The following MEFV variants were observed in gnomAD, a reference collection of about 807,000 sequenced individuals.
MEFV encodes the protein MEFV innate immunity regulator, pyrin.
MEFV carries 60 observed loss-of-function variants against 62.5 expected under a neutral mutation model. The ratio of observed to expected loss-of-function variants is 0.96; its 90% CI spans 0.78 to 1.19. MEFV has a LOEUF of 1.19. Among genes scored for constraint, MEFV ranks in the 50% most tolerant of loss-of-function variants. The probability of loss-of-function intolerance (pLI) is 0.00; values close to 1 mark genes in which losing one functional copy is unlikely to be tolerated. For missense variants in MEFV, 1,169 were observed against 1,004.5 expected, an observed-to-expected ratio of 1.16 and a Z score of -2.21; for synonymous variants, 500 against 415.2, an observed-to-expected ratio of 1.20 and a Z score of -2.48.
chr16:3,243,422 A>T lies in MEFV; in HGVS notation c.2065T>A (p.Trp689Arg). The stretch of plus-strand genomic sequence containing the variant: ...TTTTCCTTCATCATTATCACCACCC[A>T]GTAGCCATTCTCTGGCGACAGAGTC... Reference protein sequence around the residue: ...NMTLSPENGYWVVIMMKENEY... With the variant: ...NMTLSPENGYRVVIMMKENEY... Residue 689 changes from tryptophan to arginine, a missense_variant, in exon 10 of 10, where the codon TGG becomes AGG. Physicochemically the swap from Trp to Arg is moderately radical, Grantham distance 101. Coordinates refer to ENST00000219596, the MANE Select transcript of MEFV (RefSeq NM_000243.3). 2 of 1,614,132 alleles carry T rather than the reference A, an allele frequency of 1.2e-6. No homozygotes were observed. Among genetic ancestry groups the T allele is most frequent in the Non-Finnish European group, 1.7e-6 (2 of 1,180,022 alleles).
chr16:3,247,183 C>T lies in MEFV; in HGVS notation c.1420G>A (p.Glu474Lys), dbSNP rs104895104. ...RKLEQVYYFL[E>K]QQEHFFVASL... Reference sequence around the variant, plus strand: ...GCCACAAAGAAATGCTCTTGCTGCTCCAGGAAGTAGTACACCTGCTCCAGC... The same window carrying T: ...GCCACAAAGAAATGCTCTTGCTGCTTCAGGAAGTAGTACACCTGCTCCAGC... The change falls in exon 5 of 10, where the codon GAG becomes AAG. Residue 474 changes from glutamate (E) to lysine (K), a missense_variant. Glu to Lys is a moderately conservative substitution (Grantham distance 56, BLOSUM62 1). Coordinates refer to ENST00000219596, the MANE Select transcript of MEFV (RefSeq NM_000243.3). The T allele has an allele frequency of 1.3e-5, 21 of 1,614,164 alleles. No individual in the cohort carries two copies. The highest frequency in any genetic ancestry group is 8.8e-5 in the South Asian group (8 of 91,088).
chr16:3,247,128 C>A lies in MEFV; in HGVS notation c.1475G>T (p.Gly492Val), dbSNP rs1385835956. 2 of 1,614,206 alleles carry A rather than the reference C, an allele frequency of 1.2e-6. No homozygotes were observed. The highest frequency in any genetic ancestry group is 3.3e-5 in the Admixed American group (2 of 59,990). The stretch of plus-strand genomic sequence containing the variant: ...GGTGTCATATGCCTTCCTGATCTGC[C>A]CAACCATCTGGCCCACGTCCTCCAG... ...ASLEDVGQMV[G>V]QIRKAYDTRV... Residue 492 changes from glycine to valine, a missense_variant, in exon 5 of 10, where the codon GGG becomes GTG. Coordinates refer to ENST00000219596, the MANE Select transcript of MEFV (RefSeq NM_000243.3).
chr16:3,243,811 C>A (rs1483491515), intron 9 of MEFV, 49 bp downstream of exon 9: 16 of 1,609,560 alleles, frequency 9.9e-6, no homozygotes, highest in Non-Finnish European at 1.4e-5. Flanking sequence ...TAGGGGAGAG[C>A]ACAGGGATCC....
Position 3,256,444 on chromosome 16 carries a change from G to T in MEFV, c.144C>A (p.Ala48=), listed in dbSNP as rs1446491538. The T allele has an allele frequency of 6.2e-7, 1 of 1,614,228 alleles. No homozygotes were observed. The highest frequency in any genetic ancestry group is 8.5e-7 in the Non-Finnish European group (1 of 1,180,044). The change falls in exon 1 of 10, where the codon GCC becomes GCA. Residue 48 remains alanine, a synonymous_variant. Transcript: ENST00000219596. ...GCAGAGTGGCCATCTTCACCGGCCT[G>T]GCTCTCTGGATCTGGCTCCGGGGGA... ...SRIPRSQIQR[A]RPVKMATLLV...
intron 8 of MEFV, 152 bp from the exon 9 acceptor site, chr16:3,244,044 C>T (rs2141665794): frequency 6.4e-7 from 1 of 1,552,294 alleles, no homozygotes; most frequent in Non-Finnish European, 8.7e-7. Flanking sequence ...TCCCAGGAAC[C>T]CAGGCCATGT....
At chr16:3,253,317 G>A (rs1192995772) in intron 2 of MEFV, among the ~76,000 whole-genome samples, 1 of 152,080 alleles carries the variant, frequency 6.6e-6, no homozygotes, top group African/African-American at 2.4e-5. Flanking sequence ...GCATGCTGGG[G>A]ACAGCGCCTG....
In MEFV at chr16:3,256,293, A is replaced by C. The variant is rs574262700; in HGVS notation, c.277+18T>G. 3.7e-6 allele frequency: 6 copies of C among 1,612,382 alleles called. No homozygotes were observed. The highest frequency in any genetic ancestry group is 2.2e-5 in the South Asian group (2 of 90,910). ...CAGCACTCAGCACTGGATGAGGAGG[A>C]GGCCTGGGCCCGCTTACCCTGAATG... is the stretch of plus-strand genomic sequence containing the variant. On this transcript the variant is annotated intron_variant, in intron 1 of 9. Coordinates refer to ENST00000219596, the MANE Select transcript of MEFV (RefSeq NM_000243.3).
chr16:3,254,579 C>A lies in MEFV; in HGVS notation c.489G>T (p.Glu163Asp), dbSNP rs759997694. The A allele has an allele frequency of 1.1e-5, 17 of 1,586,530 alleles. No homozygotes were observed. The South Asian group carries it at 1.3e-4, about 13-fold the overall frequency. Reference sequence around the variant, plus strand: ...GCGCGTCCAGGCCCTCCGAGGCCTTCTCTCTGCGTTTGCTCAGGGGCTTCC... The same window carrying A: ...GCGCGTCCAGGCCCTCCGAGGCCTTATCTCTGCGTTTGCTCAGGGGCTTCC... ...LSRKPLSKRR[E>D]KASEGLDAQG... Residue 163 changes from glutamate to aspartate, a missense_variant, in exon 2 of 10, where the codon GAG becomes GAT. Glu to Asp is a conservative substitution (Grantham distance 45). Coordinates refer to ENST00000219596, the MANE Select transcript of MEFV (RefSeq NM_000243.3).
chr16:3,244,278 G>T lies in MEFV; in HGVS notation c.1735C>A (p.Arg579Ser). The T allele has an allele frequency of 6.2e-7, 1 of 1,614,052 alleles. No individual in the cohort carries two copies. Among genetic ancestry groups the T allele is most frequent in the Non-Finnish European group, 8.5e-7 (1 of 1,180,012 alleles). Residue 579 changes from arginine to serine, a missense_variant, in exon 8 of 10, where the codon CGT becomes AGT. Arg to Ser is a moderately radical substitution (Grantham distance 110). Coordinates refer to ENST00000219596, the MANE Select transcript of MEFV (RefSeq NM_000243.3). ...KSTKYFSETL[R>S]SEMEMFNVPE... is the part of the protein sequence containing the mutation. ...CCATTGAACATTTCCATTTCTGAACGCAGGGTTTCTAAAATGTGGGAAAGG... is the reference window on the plus strand; with the variant it reads ...CCATTGAACATTTCCATTTCTGAACTCAGGGTTTCTAAAATGTGGGAAAGG...
chr16:3,252,662 G>C (rs1463313031), intron 2 of MEFV, among the ~76,000 whole-genome samples: 2 of 151,758 alleles, frequency 1.3e-5, no homozygotes, highest in African/African-American at 2.4e-5. Context: ...CCATAGGCTG[G>C]GTGTAGTGAC....
intron 3 of MEFV, 76 bp from the exon 4 acceptor site, chr16:3,249,080 A>G (rs1958990508): frequency 2.1e-6 from 3 of 1,412,024 alleles, no homozygotes; most frequent in Non-Finnish European, 2.0e-6. Flanking sequence ...CTGGAGGGGA[A>G]CATCTCCTTC....
Position 3,243,931 on chromosome 16 carries a change from A to G in MEFV, c.1760-39T>C, listed in dbSNP as rs1380075115. 4 of 1,612,436 alleles carry G rather than the reference A, an allele frequency of 2.5e-6. No individual in the cohort carries two copies. The highest frequency in any genetic ancestry group is 1.7e-5 in the Admixed American group (1 of 59,696). On this transcript the variant is annotated intron_variant, in intron 8 of 9. Transcript: ENST00000219596. ...TCAGATAGGGAAAAAAATCCTGAGC[A>G]TTAGCATTAAGAGGGGCTAAATTAC...
At chr16:3,250,897 A>G (rs571692906) in intron 2 of MEFV, among the ~76,000 whole-genome samples, 32 of 151,302 alleles carry the variant, frequency 2.1e-4, no homozygotes, top group African/African-American at 4.6e-4. Flanking sequence ...GGTGGTGGGC[A>G]CCTGTAATCC....
intron 2 of MEFV, among the ~76,000 whole-genome samples, chr16:3,252,699 G>C (rs1959054663): frequency 6.6e-6 from 1 of 151,350 alleles, no homozygotes; most frequent in Non-Finnish European, 1.5e-5. Context: ...AGCACTTTTA[G>C]AGGCTAAGGC....
intron 2 of MEFV, among the ~76,000 whole-genome samples, chr16:3,250,985 C>A (rs898522052): frequency 1.4e-5 from 2 of 141,122 alleles, no homozygotes; most frequent in African/African-American, 5.4e-5. Flanking sequence ...AGTTGCGCCA[C>A]TGCACTCCAG....
At chr16:3,255,677 G>T (rs1315494642) in intron 1 of MEFV, among the ~76,000 whole-genome samples, 2 of 152,018 alleles carry the variant, frequency 1.3e-5, no homozygotes, top group Non-Finnish European at 2.9e-5. Context: ...AAAGTGCTGA[G>T]ATTATTTATA....
chr16:3,249,730 C>T lies in MEFV; in HGVS notation c.961G>A (p.Asp321Asn). 1.9e-6 allele frequency: 3 copies of T among 1,614,078 alleles called. No homozygotes were observed. Among genetic ancestry groups the T allele is most frequent in the Non-Finnish European group, 2.5e-6 (3 of 1,179,950 alleles). Residue 321 changes from aspartate to asparagine, a missense_variant, in exon 3 of 10, where the codon GAC (aspartate) becomes AAC (asparagine). Coordinates refer to ENST00000219596, the MANE Select transcript of MEFV (RefSeq NM_000243.3). ...ASPRCHAQEG[D>N]PVDGTCVRDS... Reference sequence around the variant, plus strand: ...CGCACACAGGTACCGTCAACTGGGTCTCCTTCCTGGGCGTGGCAGCGGGGA... The same window carrying T: ...CGCACACAGGTACCGTCAACTGGGTTTCCTTCCTGGGCGTGGCAGCGGGGA...
chr16:3,247,408 C>A lies in MEFV; in HGVS notation c.1357-162G>T, dbSNP rs1958959124. ...AGCAGGAGGCGATATTGTCTGGAACCTTCCAGAAAAGACTGAGCATGGCTG... is the reference window on the plus strand; with the variant it reads ...AGCAGGAGGCGATATTGTCTGGAACATTCCAGAAAAGACTGAGCATGGCTG... On this transcript the variant is annotated intron_variant, in intron 4 of 9. Transcript: ENST00000219596. 13 of 625,886 alleles carry A rather than the reference C, an allele frequency of 2.1e-5. No individual in the cohort carries two copies. The South Asian group carries it at 2.5e-4, about 12-fold the overall frequency. The allele number at this position is 625,886 out of a possible 1,614,324, so 38.8% of individuals were successfully genotyped here.
rs1958878325 is a variant in MEFV at position 3,242,923 on chromosome 16, C to T, written c.*218G>A. 1.7e-6 allele frequency: 1 copy of T among 592,542 alleles called. No homozygotes were observed. The highest frequency in any genetic ancestry group is 3.0e-6 in the Non-Finnish European group (1 of 331,480). The allele number at this position is 592,542 out of a possible 1,614,324, so 36.7% of individuals were successfully genotyped here. On this transcript the variant is annotated 3_prime_UTR_variant, in exon 10 of 10. Transcript: ENST00000219596. ...ACTCCGTACTTCCTCCTCTGAAATC[C>T]ATGGTGTGTCATCAGTACATGTCTT...
Sources: allele counts gnomAD v4.1 joint callset (sites outside exome capture counted in the v4.1 genomes callset), GRCh38; gene constraint gnomAD v4.1.1; transcripts MANE v1.5; gene names NCBI Gene and HGNC (gene_info 2026-07-23, HGNC 2026-07-21).